Variants in GPC5 observed in about 807,000 individuals in gnomAD.
GPC5 encodes glypican-5.
In GPC5, 47 loss-of-function variants were observed where a neutral mutation model predicts 53.9. That is an observed-to-expected ratio of 0.87 (90% confidence interval 0.69 to 1.11). The LOEUF (loss-of-function observed/expected upper bound fraction) is 1.11. Among genes scored for constraint, GPC5 ranks in the 50% most tolerant of loss-of-function variants. GPC5 has a pLI of 0.00. For synonymous variants in GPC5, 286 were observed against 263.3 expected (o/e 1.09, Z -0.84); for missense variants, 748 against 713.1 (o/e 1.05, Z -0.56).
At chr13:92,219,715 TC>T (rs1185357396) in intron 7 of GPC5, among the ~76,000 whole-genome samples, 1 of 152,176 alleles carries the variant, frequency 6.6e-6, no homozygotes, top group African/African-American at 2.4e-5. Context: ...CCACAACCAA[TC>T]AGATGTTTGC....
intron 4 of GPC5, among the ~76,000 whole-genome samples, chr13:91,744,504 A>G (rs2037004775): frequency 6.6e-6 from 1 of 152,180 alleles, no homozygotes; most frequent in South Asian, 2.1e-4. Context: ...AGGATCTGAA[A>G]ATGCAAGCAT....
chr13:92,362,733 C>T (rs1015028016), intron 7 of GPC5, among the ~76,000 whole-genome samples: 1 of 151,742 alleles, frequency 6.6e-6, no homozygotes, highest in African/African-American at 2.4e-5. Context: ...GAAACATTTT[C>T]CTCAGGCTTG....
At chr13:92,004,478 A>ATAT (rs2040587494) in intron 6 of GPC5, among the ~76,000 whole-genome samples, 2 of 136,114 alleles carry the variant, frequency 1.5e-5, no homozygotes, top group African/African-American at 5.6e-5. Flanking sequence ...ATATATATAT[A>ATAT]TATATATATA....
intron 3 of GPC5, among the ~76,000 whole-genome samples, chr13:91,721,226 C>A (rs2036466530): frequency 6.6e-6 from 1 of 152,000 alleles, no homozygotes; most frequent in African/African-American, 2.4e-5. Flanking sequence ...CTTCCACCTT[C>A]CAGGGTCAAG....
intron 7 of GPC5, among the ~76,000 whole-genome samples, chr13:92,640,539 C>T (rs1362245571): frequency 6.6e-6 from 1 of 152,122 alleles, no homozygotes; most frequent in Non-Finnish European, 1.5e-5. Flanking sequence ...GGAGTACAGG[C>T]GTGAGCCACT....
chr13:92,140,178 G>A (rs1210008327), intron 6 of GPC5, among the ~76,000 whole-genome samples: 2 of 152,154 alleles, frequency 1.3e-5, no homozygotes, highest in East Asian at 3.8e-4. Flanking sequence ...AACAGCAGTT[G>A]GAAGTGAGAA....
At chr13:92,213,892 C>A (rs976842377) in intron 7 of GPC5, among the ~76,000 whole-genome samples, 7 of 152,154 alleles carry the variant, frequency 4.6e-5, no homozygotes, top group Non-Finnish European at 8.8e-5. Context: ...ATAGGCAGAA[C>A]TTTCTAACCC....
intron 6 of GPC5, among the ~76,000 whole-genome samples, chr13:92,004,458 TTATATATATATATATA>T (rs58376767): frequency 1.1e-4 from 9 of 82,490 alleles, no homozygotes; most frequent in Admixed American, 1.5e-4. Flanking sequence ...AAAAAAAAAA[TTATATATATATATATA>T]TATATATATA....
intron 7 of GPC5, among the ~76,000 whole-genome samples, chr13:92,693,161 A>G (rs752929109): frequency 2.6e-5 from 4 of 152,136 alleles, no homozygotes; most frequent in Non-Finnish European, 4.4e-5. Context: ...TGAACCAATT[A>G]AACCTTTTTC....
chr13:92,618,926 T>C (rs562654866), intron 7 of GPC5, among the ~76,000 whole-genome samples: 1 of 152,078 alleles, frequency 6.6e-6, no homozygotes, highest in East Asian at 1.9e-4. Flanking sequence ...TTAAGTTAAC[T>C]TTCTATATTG....
intron 2 of GPC5, among the ~76,000 whole-genome samples, chr13:91,508,345 G>T (rs1376069412): frequency 6.6e-6 from 1 of 152,108 alleles, no homozygotes; most frequent in South Asian, 2.1e-4. Flanking sequence ...AACATGTCTG[G>T]TAGAAAATGT....
At chr13:92,655,050 G>A (rs967226310) in intron 7 of GPC5, among the ~76,000 whole-genome samples, 1 of 152,106 alleles carries the variant, frequency 6.6e-6, no homozygotes, top group Non-Finnish European at 1.5e-5. Context: ...AAAAACTAGG[G>A]AAGAAGCCTG....
At chr13:91,507,424 G>T (rs181084967) in intron 2 of GPC5, among the ~76,000 whole-genome samples, 1 of 152,294 alleles carries the variant, frequency 6.6e-6, no homozygotes, top group East Asian at 1.9e-4. Context: ...AACAATCATG[G>T]CGGAAGGCAA....
At chr13:92,599,045 C>G (rs938749103) in intron 7 of GPC5, among the ~76,000 whole-genome samples, 5 of 152,110 alleles carry the variant, frequency 3.3e-5, no homozygotes, top group Admixed American at 2.6e-4. Context: ...TTATCATCAT[C>G]CAAGAGATTT....
chr13:91,588,920 T>C (rs1385348301), intron 2 of GPC5, among the ~76,000 whole-genome samples: 1 of 152,192 alleles, frequency 6.6e-6, no homozygotes, highest in Non-Finnish European at 1.5e-5. Flanking sequence ...AATTTCTGCA[T>C]ACTGTATGGA....
intron 7 of GPC5, among the ~76,000 whole-genome samples, chr13:92,213,079 C>G (rs944320075): frequency 1.3e-5 from 2 of 152,204 alleles, no homozygotes; most frequent in African/African-American, 4.8e-5. Context: ...CTCTCCTCTG[C>G]AACAGCCCAG....
At chr13:92,434,656 G>T (rs990723534) in intron 7 of GPC5, among the ~76,000 whole-genome samples, 1 of 152,128 alleles carries the variant, frequency 6.6e-6, no homozygotes, top group African/African-American at 2.4e-5. Context: ...TATCTTGAAG[G>T]TAATATCCCT....
chr13:92,519,804 C>T (rs1880957663), intron 7 of GPC5, among the ~76,000 whole-genome samples: 1 of 152,042 alleles, frequency 6.6e-6, no homozygotes, highest in Non-Finnish European at 1.5e-5. Context: ...GAGATAGAGA[C>T]ACAAAAAACC....
At chr13:91,513,999 T>C (rs1885368481) in intron 2 of GPC5, among the ~76,000 whole-genome samples, 1 of 152,254 alleles carries the variant, frequency 6.6e-6, no homozygotes, top group Admixed American at 6.5e-5. Context: ...TATTGCTGAG[T>C]AGCATTATAT....
Sources: gnomAD v4.1 joint callset for allele counts (sites outside exome capture counted in the v4.1 genomes callset) on GRCh38, gnomAD v4.1.1 for gene constraint, MANE v1.5 for transcripts, NCBI Gene and HGNC (gene_info 2026-07-23, HGNC 2026-07-21) for gene names.